The following STAB1 variants were observed in gnomAD, a reference collection of about 807,000 sequenced individuals.
STAB1 encodes the protein stabilin 1, also known as stabilin-1.
Under a neutral mutation model 332.4 loss-of-function variants are expected in STAB1, and 250 were observed. The observed-to-expected ratio is 0.75, with a 90% confidence interval of 0.68 to 0.84. The LOEUF is 0.84. Ranked by LOEUF, STAB1 falls within the 40% of genes least tolerant of loss-of-function variation. The pLI, the probability that STAB1 is intolerant of heterozygous loss-of-function variation, is 0.00. For missense variants in STAB1, 3,249 were observed against 3,489.7 expected, an observed-to-expected ratio of 0.93 and a Z score of 1.74; for synonymous variants, 1,475 against 1,390.4, an observed-to-expected ratio of 1.06 and a Z score of -1.35.
At chr3:52,506,298 G>A (rs1009456384) in intron 17 of STAB1, 48 bp downstream of exon 17, 6 of 1,537,144 alleles carry the variant, frequency 3.9e-6, no homozygotes, top group Non-Finnish European at 5.3e-6. Context: ...GCGGTGACCA[G>A]CTGCCCACTT....
chr3:52,509,082 C>G (rs1709097837), intron 21 of STAB1, 128 bp from the exon 22 acceptor site: 1 of 795,088 alleles, frequency 1.3e-6, no homozygotes, highest in Non-Finnish European at 1.9e-6. Context: ...TTTTGAAGAT[C>G]CCTTCCAGGA....
Position 52,503,188 on chromosome 3 carries a change from G to A in STAB1, c.694+79G>A, listed in dbSNP as rs1006997483. Reference sequence around the variant, plus strand: ...GAGAGCATCCTTTAACCCAGCAAGTGCAATGTAATTCACAAGGAGGGAGAG... The same window carrying A: ...GAGAGCATCCTTTAACCCAGCAAGTACAATGTAATTCACAAGGAGGGAGAG... On this transcript the variant is annotated intron_variant, in intron 7 of 68. Coordinates refer to ENST00000321725, the MANE Select transcript of STAB1 (RefSeq NM_015136.3). 4.6e-6 allele frequency: 7 copies of A among 1,507,206 alleles called. No homozygotes were observed. In the African/African-American group the frequency reaches 9.7e-5, roughly 21 times the overall value. 93.4% of individuals were successfully genotyped at this position (1,507,206 alleles called of 1,614,324 possible).
chr3:52,503,972 G>C, intron 9 of STAB1, 56 bp from the exon 10 acceptor site: 3 of 1,606,760 alleles, frequency 1.9e-6, no homozygotes, highest in Non-Finnish European at 2.6e-6. Context: ...AGGCGTGGGG[G>C]GTGCGGTGGG....
At chr3:52,519,481 C>T (rs779555595) in intron 49 of STAB1, 24 bp from the exon 50 acceptor site, 3 of 1,613,148 alleles carry the variant, frequency 1.9e-6, no homozygotes, top group Admixed American at 3.3e-5. Context: ...CCTGGCCTAG[C>T]TGTTTATGAG....
chr3:52,501,948 G>A (rs1432502856), intron 3 of STAB1, 58 bp from the exon 4 acceptor site: 2 of 1,597,556 alleles, frequency 1.3e-6, no homozygotes, highest in Non-Finnish European at 1.7e-6. Flanking sequence ...CAGAGCTGCT[G>A]GGGTCAGGGT....
In STAB1 at chr3:52,522,342, T is replaced by A; in HGVS notation, c.6478T>A (p.Cys2160Ser). The part of the protein sequence containing the change: ...CLSTGLNTRR[C>S]ECHAGYVGDG... The stretch of plus-strand genomic sequence containing the variant: ...TCTCCAACCCCAGAACACACGGCGC[T>A]GTGAGTGCCACGCAGGCTACGTAGG... The change falls in exon 60 of 69, where the codon TGT becomes AGT. Residue 2160 changes from cysteine (C) to serine (S), a missense_variant. Physicochemically the swap from Cys to Ser is moderately radical, Grantham distance 112. Coordinates refer to ENST00000321725, the MANE Select transcript of STAB1 (RefSeq NM_015136.3). 1 of 1,612,958 alleles carries A rather than the reference T, an allele frequency of 6.2e-7. No individual in the cohort carries two copies. Among genetic ancestry groups the A allele is most frequent in the Non-Finnish European group, 8.5e-7 (1 of 1,179,996 alleles).
At chr3:52,519,445 T>TG (rs771869939) in intron 49 of STAB1, 41 bp downstream of exon 49, 32 of 1,611,080 alleles carry the variant, frequency 2.0e-5, no homozygotes, top group Non-Finnish European at 2.7e-5. Flanking sequence ...GACAGGCAGG[T>TG]GGGGGCCTGG....
intron 41 of STAB1, 45 bp from the exon 42 acceptor site, chr3:52,516,939 G>C (rs759747806): frequency 7.5e-6 from 12 of 1,608,052 alleles, no homozygotes; most frequent in Admixed American, 3.4e-5. Flanking sequence ...TCCTGCCTCC[G>C]GCCCCGTGCC....
In STAB1 at chr3:52,522,951, C is replaced by A. The variant is rs560375421; in HGVS notation, c.6910+11C>A. On this transcript the variant is annotated intron_variant, in intron 62 of 68. Coordinates refer to ENST00000321725, the MANE Select transcript of STAB1 (RefSeq NM_015136.3). ...GCTTCCGTGTGCAAGGTGTGTCCAC[C>A]CGACCAAACCCTACTTCCCCTGCTC... The A allele has an allele frequency of 1.2e-6, 2 of 1,609,812 alleles. No individual in the cohort carries two copies. The highest frequency in any genetic ancestry group is 1.7e-4 in the Middle Eastern group (1 of 6,054).
chr3:52,497,910 A>AGGAAGGCTTTCCT (rs1708163169), intron 1 of STAB1, among the ~76,000 whole-genome samples: 1 of 152,186 alleles, frequency 6.6e-6, no homozygotes. Flanking sequence ...GCAGCGAGGC[A>AGGAAGGCTTTCCT]GGAAGGCTTT....
rs1169799711 is a variant in STAB1 at position 52,523,444 on chromosome 3, C to A, written c.7158C>A (p.Asp2386Glu). The A allele has an allele frequency of 1.9e-6, 3 of 1,609,378 alleles. No individual in the cohort carries two copies. Among genetic ancestry groups the A allele is most frequent in the Admixed American group, 3.3e-5 (2 of 59,982 alleles). ...FVDNMTLSGP[D>E]LELHASNATL... ...GCTCACAGACGCTGAGTGGCCCAGA[C>A]TTGGAGCTGCATGCCTCCAACGCCA... Residue 2386 changes from aspartate (D) to glutamate (E), a missense_variant, in exon 65 of 69, where the codon GAC becomes GAA. Asp to Glu is a conservative substitution (Grantham distance 45, BLOSUM62 2). Coordinates refer to ENST00000321725, the MANE Select transcript of STAB1 (RefSeq NM_015136.3).
Position 52,523,649 on chromosome 3 carries a change from C to A in STAB1, c.7291-3C>A, listed in dbSNP as rs748329845. On this transcript the variant is annotated splice_polypyrimidine_tract_variant and splice_region_variant and intron_variant, in intron 65 of 68. Transcript: ENST00000321725. ...AGTGGGCCTGACTCTGGTCTCCCTGCAGGCCCCAGGGACAGTTGTGGTTAG... is the reference window on the plus strand; with the variant it reads ...AGTGGGCCTGACTCTGGTCTCCCTGAAGGCCCCAGGGACAGTTGTGGTTAG... 1.9e-6 allele frequency: 3 copies of A among 1,612,790 alleles called. No homozygotes were observed. The highest frequency in any genetic ancestry group is 1.7e-5 in the Admixed American group (1 of 60,006).
chr3:52,512,732 G>C, intron 28 of STAB1, 89 bp downstream of exon 28: 1 of 1,610,882 alleles, frequency 6.2e-7, no homozygotes. Context: ...TCCAAGCGTG[G>C]GAGGTTGGGG....
At chr3:52,518,662 TG>T (rs758723187) in intron 47 of STAB1, 49 bp downstream of exon 47, 32 of 1,611,436 alleles carry the variant, frequency 2.0e-5, no homozygotes, top group Non-Finnish European at 2.7e-5. Context: ...GCTCTGGTGG[TG>T]GCCCTGCGTG....
Position 52,522,634 on chromosome 3 carries a change from C to T in STAB1, c.6690C>T (p.Cys2230=), listed in dbSNP as rs767431392. Reference sequence around the variant, plus strand: ...ACTTTTCGGAGGCTGAGGCGGCATGCGAAGCACAGGGAGCCGTCCTTGCTT... The same window carrying T: ...ACTTTTCGGAGGCTGAGGCGGCATGTGAAGCACAGGGAGCCGTCCTTGCTT... ...GLNFSEAEAA[C]EAQGAVLASF... The change falls in exon 61 of 69, where the codon TGC becomes TGT. Residue 2230 remains cysteine (C), a synonymous_variant. Transcript: ENST00000321725. 40 of 1,612,822 alleles carry T rather than the reference C, an allele frequency of 2.5e-5. No homozygotes were observed. Among genetic ancestry groups the T allele is most frequent in the South Asian group, 4.4e-5 (4 of 91,084 alleles).
At position 52,523,353 on chromosome 3, in the gene STAB1, G is replaced by A. The variant is rs2079145635; in HGVS notation, c.7140+12G>A. On this transcript the variant is annotated intron_variant, in intron 64 of 68. Coordinates refer to ENST00000321725, the MANE Select transcript of STAB1 (RefSeq NM_015136.3). ...TTGTGGACAACATGGTAACCCCCAA[G>A]GGTGTGGGCAGAGCAGAGCCTGCAT... is the stretch of plus-strand genomic sequence containing the variant. 1.9e-6 allele frequency: 3 copies of A among 1,609,310 alleles called. No individual in the cohort carries two copies. In the South Asian group the frequency reaches 3.3e-5, roughly 18 times the overall value.
Position 52,522,040 on chromosome 3 carries a change from C to G in STAB1, c.6275C>G (p.Ala2092Gly), listed in dbSNP as rs770757845. The part of the protein sequence containing the change: ...YEGDGRVCTV[A>G]DLCQDGHGGC... ...ACCACTCCCTCCCTGCCCTCAGTGG[C>G]AGACCTGTGCCAGGACGGGCATGGT... Residue 2092 changes from alanine (A) to glycine (G), a missense_variant, in exon 59 of 69, where the codon GCA becomes GGA. Physicochemically the swap from Ala to Gly is moderately conservative, Grantham distance 60. Transcript: ENST00000321725. 1 of 1,613,272 alleles carries G rather than the reference C, an allele frequency of 6.2e-7. No homozygotes were observed.
intron 6 of STAB1, 132 bp from the exon 7 acceptor site, chr3:52,502,867 C>T (rs1254946470): frequency 4.1e-6 from 5 of 1,207,168 alleles, no homozygotes; most frequent in African/African-American, 1.5e-5. Context: ...TCATCTGAGA[C>T]CTCCACTGTC....
intron 10 of STAB1, 123 bp from the exon 11 acceptor site, chr3:52,504,338 C>T: frequency 7.3e-7 from 1 of 1,369,506 alleles, no homozygotes; most frequent in South Asian, 1.3e-5. Context: ...CCCCATCTAC[C>T]CTAAATCTAG....
Sources: allele counts gnomAD v4.1 joint callset (sites outside exome capture counted in the v4.1 genomes callset), GRCh38; gene constraint gnomAD v4.1.1; transcripts MANE v1.5; gene names NCBI Gene and HGNC (gene_info 2026-07-23, HGNC 2026-07-21).